Variants in BRIP1 observed in about 807,000 individuals in gnomAD.
The protein encoded by BRIP1 is BRCA1 interacting DNA helicase 1.
BRIP1 carries 88 observed loss-of-function variants against 119.7 expected under a neutral mutation model. The observed-to-expected ratio is 0.74, with a 90% CI of 0.62 to 0.88. BRIP1 has a LOEUF of 0.88. Ranked by LOEUF, BRIP1 falls within the 40% of genes least tolerant of loss-of-function variation. BRIP1 has a pLI of 0.00. For synonymous variants in BRIP1, 443 were observed against 496.5 expected (o/e 0.89, Z 1.43); for missense variants, 1,259 against 1,455.4 (o/e 0.87, Z 2.20).
At position 61,680,604 on chromosome 17, in the gene BRIP1, T is replaced by C. The variant is rs886053204; in HGVS notation, c.*2692A>G. Among the ~76,000 whole-genome samples, 10 of 149,276 alleles carry C rather than the reference T, an allele frequency of 6.7e-5. No individual in the cohort carries two copies. Among genetic ancestry groups the C allele is most frequent in the East Asian group, 2.1e-4 (1 of 4,844 alleles). The stretch of plus-strand genomic sequence containing the variant: ...ACGCCATTCTCCTGCCTCAGCCTCC[T>C]GAGTAGCTGGGACTACAGGCGCCCG... On this transcript the variant is annotated 3_prime_UTR_variant, in exon 20 of 20. Transcript: ENST00000259008.
chr17:61,689,881 G>A lies in BRIP1; in HGVS notation c.2575+3549C>T, dbSNP rs1345711689. ...TTAAAAATTAGCCAGGTCTGGTGGTGCATGCCTGTAGTCCCAGCTGAGGCT... is the reference window on the plus strand; with the variant it reads ...TTAAAAATTAGCCAGGTCTGGTGGTACATGCCTGTAGTCCCAGCTGAGGCT... On this transcript the variant is annotated intron_variant, in intron 18 of 19. Transcript: ENST00000259008. This position sits in a 1 kb window ranked among gnomAD's most constrained non-coding sequence, Gnocchi z 4.5. Among the ~76,000 whole-genome samples, 2 of 152,146 alleles carry A rather than the reference G, an allele frequency of 1.3e-5. No homozygotes were observed. The highest frequency in any genetic ancestry group is 6.5e-5 in the Admixed American group (1 of 15,276).
At chr17:61,721,611 C>T (rs2061977322) in intron 16 of BRIP1, among the ~76,000 whole-genome samples, 1 of 151,594 alleles carries the variant, frequency 6.6e-6, no homozygotes, top group African/African-American at 2.4e-5. Context: ...ATTTTACATT[C>T]CCTCAAAAGA....
chr17:61,840,813 G>A (rs1226513615), intron 6 of BRIP1, among the ~76,000 whole-genome samples: 1 of 151,966 alleles, frequency 6.6e-6, no homozygotes, highest in Non-Finnish European at 1.5e-5. Context: ...TAGGCACCAC[G>A]CTATGTACTA....
At position 61,791,114 on chromosome 17, in the gene BRIP1, T is replaced by A. The variant is rs184329977; in HGVS notation, c.1473+2483A>T. On this transcript the variant is annotated intron_variant, in intron 10 of 19. Transcript: ENST00000259008. ...AATAGTCACATGCCCCGAATACTAT[T>A]GTGATCATGTTGGCAATTATTTTCA... 6.6e-5 allele frequency among the ~76,000 whole-genome samples: 10 copies of A among 152,280 alleles called. 1 individual carries two copies. In the East Asian group the frequency reaches 1.9e-3, roughly 29 times the overall value.
Position 61,798,682 on chromosome 17 carries a change from TTA to T in BRIP1, c.1340+416_1340+417del, listed in dbSNP as rs372263059. 2.8e-4 allele frequency among the ~76,000 whole-genome samples: 43 copies of T among 152,106 alleles called. No homozygotes were observed. The highest frequency in any genetic ancestry group is 9.1e-4 in the African/African-American group (38 of 41,546). On this transcript the variant is annotated intron_variant, in intron 9 of 19. Coordinates refer to ENST00000259008, the MANE Select transcript of BRIP1 (RefSeq NM_032043.3). This position sits in a 1 kb window ranked among gnomAD's most constrained non-coding sequence, Gnocchi z 5.5. The stretch of plus-strand genomic sequence containing the variant: ...TAAAGCTAGTACTAAATATATTATT[TTA>T]GAGTACTGAAATCTTGATTAATTAA...
Position 61,825,730 on chromosome 17 carries a change from A to G in BRIP1, c.628-16973T>C, listed in dbSNP as rs1248480199. On this transcript the variant is annotated intron_variant, in intron 6 of 19. Transcript: ENST00000259008. The surrounding 1 kb of genome is among the most constrained non-coding windows in gnomAD (Gnocchi z 4.1). ...ATCTCTACAAAGGGAACTACAAAGC[A>G]CTGCTTGAAGAAATCAGAGATTTCT... Among the ~76,000 whole-genome samples the G allele has an allele frequency of 6.6e-6, 1 of 152,026 alleles. No homozygotes were observed. Among genetic ancestry groups the G allele is most frequent in the African/African-American group, 2.4e-5 (1 of 41,436 alleles).
chr17:61,706,720 T>C lies in BRIP1; in HGVS notation c.2492+9231A>G, dbSNP rs2061695121. ...CTTCCTGGGAATATTAACAACTGAG[T>C]CACATAGTGCACTATAATTAGATTT... On this transcript the variant is annotated intron_variant, in intron 17 of 19. Coordinates refer to ENST00000259008, the MANE Select transcript of BRIP1 (RefSeq NM_032043.3). This position sits in a 1 kb window ranked among gnomAD's most constrained non-coding sequence, Gnocchi z 5.7. 6.6e-6 allele frequency among the ~76,000 whole-genome samples: 1 copy of C among 152,170 alleles called. No homozygotes were observed. Among genetic ancestry groups the C allele is most frequent in the African/African-American group, 2.4e-5 (1 of 41,448 alleles).
In BRIP1 at chr17:61,804,431, T is replaced by TGC. The variant is rs2078042179; in HGVS notation, c.919-2958_919-2957insGC. Reference sequence around the variant, plus strand: ...ACATATGTGTGTGTGTGTGTGTGTGTGTGTGTGTGTGTGTGTATGTGTGTG... The same window carrying TGC: ...ACATATGTGTGTGTGTGTGTGTGTGTGCGTGTGTGTGTGTGTGTATGTGTGTG... On this transcript the variant is annotated intron_variant, in intron 7 of 19. Coordinates refer to ENST00000259008, the MANE Select transcript of BRIP1 (RefSeq NM_032043.3). The surrounding 1 kb of genome is among the most constrained non-coding windows in gnomAD (Gnocchi z 4.5). 8.4e-6 allele frequency among the ~76,000 whole-genome samples: 1 copy of TGC among 119,376 alleles called. No individual in the cohort carries two copies. Among genetic ancestry groups the TGC allele is most frequent in the African/African-American group, 3.7e-5 (1 of 27,132 alleles). 78.3% of individuals were successfully genotyped at this position (119,376 alleles called of 152,430 possible).
rs1177403313 is a variant in BRIP1 at position 61,730,193 on chromosome 17, ATGT to A, written c.2379+12817_2379+12819del. ...TCCTAGGGAAAAACAGGAAAGAGTG[ATGT>A]TGTAAACATGGAACAGCAATATCTA... is the stretch of plus-strand genomic sequence containing the variant. On this transcript the variant is annotated intron_variant, in intron 16 of 19. Transcript: ENST00000259008. The surrounding 1 kb of genome is among the most constrained non-coding windows in gnomAD (Gnocchi z 4.3). Among the ~76,000 whole-genome samples the A allele has an allele frequency of 3.9e-5, 6 of 152,118 alleles. No individual in the cohort carries two copies. Among genetic ancestry groups the A allele is most frequent in the Admixed American group, 3.9e-4 (6 of 15,274 alleles).
At position 61,860,886 on chromosome 17, in the gene BRIP1, AT is replaced by A. The variant is rs1232601103; in HGVS notation, c.93+560del. Among the ~76,000 whole-genome samples the A allele has an allele frequency of 1.3e-5, 2 of 152,216 alleles. No individual in the cohort carries two copies. Among genetic ancestry groups the A allele is most frequent in the Non-Finnish European group, 2.9e-5 (2 of 68,034 alleles). On this transcript the variant is annotated intron_variant, in intron 2 of 19. Transcript: ENST00000259008. This position sits in a 1 kb window ranked among gnomAD's most constrained non-coding sequence, Gnocchi z 4.1. ...TTCTGCATAAAAAGTAAGGTACCGTATCACATCAATGCACAGTTTCAAATAT... is the reference window on the plus strand; with the variant it reads ...TTCTGCATAAAAAGTAAGGTACCGTACACATCAATGCACAGTTTCAAATAT...
In BRIP1 at chr17:61,730,245, C is replaced by T. The variant is rs1316578447; in HGVS notation, c.2379+12768G>A. ...TACTACAGTTTATGTTATTTGAGAC[C>T]TTAAAGCTTTACAGTTAGAAAAAAA... On this transcript the variant is annotated intron_variant, in intron 16 of 19. Transcript: ENST00000259008. This position sits in a 1 kb window ranked among gnomAD's most constrained non-coding sequence, Gnocchi z 4.3. Among the ~76,000 whole-genome samples, 1 of 152,016 alleles carries T rather than the reference C, an allele frequency of 6.6e-6. No individual in the cohort carries two copies. Among genetic ancestry groups the T allele is most frequent in the Non-Finnish European group, 1.5e-5 (1 of 68,000 alleles).
rs2076756214 is a variant in BRIP1, at chr17:61,725,629, T to C, written c.2380-9566A>G. 1.3e-5 allele frequency among the ~76,000 whole-genome samples: 2 copies of C among 152,160 alleles called. 1 individual carries two copies. The highest frequency in any genetic ancestry group is 1.3e-4 in the Admixed American group (2 of 15,288). On this transcript the variant is annotated intron_variant, in intron 16 of 19. Coordinates refer to ENST00000259008, the MANE Select transcript of BRIP1 (RefSeq NM_032043.3). This position sits in a 1 kb window ranked among gnomAD's most constrained non-coding sequence, Gnocchi z 5.3. The stretch of plus-strand genomic sequence containing the variant: ...AAAGGGCTAAGTTAAAGTTTTCATT[T>C]TTATTTTTTAGAGACAAGGTCTTGC...
rs2077860164 is a variant in BRIP1 at position 61,793,851 on chromosome 17, T to C, written c.1341-122A>G. On this transcript the variant is annotated intron_variant, in intron 9 of 19. Transcript: ENST00000259008. This position sits in a 1 kb window ranked among gnomAD's most constrained non-coding sequence, Gnocchi z 5.2. ...TGTATATCTTGACATTCTTAGGACA[T>C]GAATGTGGATTAATTAAGACACCTT... The C allele has an allele frequency of 2.0e-6, 2 of 981,048 alleles. No homozygotes were observed. Among genetic ancestry groups the C allele is most frequent in the Non-Finnish European group, 2.8e-6 (2 of 704,776 alleles). The allele number at this position is 981,048 out of a possible 1,614,324, so 60.8% of individuals were successfully genotyped here. A position where few individuals can be genotyped will look rare whatever the true frequency, so the allele number is the denominator to read the frequency against.
At position 61,743,205 on chromosome 17, in the gene BRIP1, G is replaced by C. The variant is rs759883132; in HGVS notation, c.2258-71C>G. On this transcript the variant is annotated intron_variant, in intron 15 of 19. Coordinates refer to ENST00000259008, the MANE Select transcript of BRIP1 (RefSeq NM_032043.3). The surrounding 1 kb of genome is among the most constrained non-coding windows in gnomAD (Gnocchi z 4.3). ...TATTCTTGTCATTTTGAAAATACCT[G>C]ATTTATAATTATAGTAATTACAGTA... 1 of 1,520,616 alleles carries C rather than the reference G, an allele frequency of 6.6e-7. No individual in the cohort carries two copies. The highest frequency in any genetic ancestry group is 9.1e-7 in the Non-Finnish European group (1 of 1,099,880). The allele number at this position is 1,520,616 out of a possible 1,614,324, so 94.2% of individuals were successfully genotyped here. A position where few individuals can be genotyped will look rare whatever the true frequency, so the allele number is the denominator to read the frequency against.
Position 61,730,014 on chromosome 17 carries a change from G to C in BRIP1, c.2379+12999C>G, listed in dbSNP as rs1024524557. Among the ~76,000 whole-genome samples, 7 of 152,338 alleles carry C rather than the reference G, an allele frequency of 4.6e-5. No homozygotes were observed. Among genetic ancestry groups the C allele is most frequent in the African/African-American group, 1.4e-4 (6 of 41,580 alleles). ...CAAGTTTGAGAAACACAGCTTGAAA[G>C]TAATTTCAAGTCACAAATCTGGTAT... On this transcript the variant is annotated intron_variant, in intron 16 of 19. Coordinates refer to ENST00000259008, the MANE Select transcript of BRIP1 (RefSeq NM_032043.3). This position sits in a 1 kb window ranked among gnomAD's most constrained non-coding sequence, Gnocchi z 4.3.
chr17:61,846,963 G>A lies in BRIP1; in HGVS notation c.627+138C>T. The A allele has an allele frequency of 2.2e-6, 2 of 927,258 alleles. No homozygotes were observed. The highest frequency in any genetic ancestry group is 3.4e-6 in the Non-Finnish European group (2 of 595,672). The allele number at this position is 927,258 out of a possible 1,614,324, so 57.4% of individuals were successfully genotyped here. On this transcript the variant is annotated intron_variant, in intron 6 of 19. Transcript: ENST00000259008. The surrounding 1 kb of genome is among the most constrained non-coding windows in gnomAD (Gnocchi z 4.3). ...TGCCATCTCACACATTAGTAACAGA[G>A]ATGTGACAGCATTGAGGACTTCTGA...
rs746778889 is a variant in BRIP1 at position 61,799,172 on chromosome 17, T to G, written c.1268A>C (p.Asp423Ala). 1 of 1,613,730 alleles carries G rather than the reference T, an allele frequency of 6.2e-7. No individual in the cohort carries two copies. The highest frequency in any genetic ancestry group is 8.5e-7 in the Non-Finnish European group (1 of 1,179,712). Residue 423 changes from aspartate (D) to alanine (A), a missense_variant, in exon 9 of 20, where the codon GAT becomes GCT. By Grantham distance (126) the Asp-to-Ala change is moderately radical (BLOSUM62 -2). This residue lies in a region of BRIP1 where 501 missense variants were observed against 544.0 expected (regional missense o/e 0.92). Coordinates refer to ENST00000259008, the MANE Select transcript of BRIP1 (RefSeq NM_032043.3). This position sits in a 1 kb window ranked among gnomAD's most constrained non-coding sequence, Gnocchi z 5.1. ...CCTTATATTATTGTTGACCATACTA[T>G]CTAGTTCATCCCGAGCAAACCGAAG... ...VQLRFARDEL[D>A]SMVNNNIRKK...
intron 11 of BRIP1, 128 bp downstream of exon 11, chr17:61,784,142 T>C (rs1296442466): frequency 1.3e-6 from 1 of 795,150 alleles, no homozygotes; most frequent in South Asian, 1.8e-5. Context: ...AAATATATAA[T>C]AATATCTATA....
intron 17 of BRIP1, among the ~76,000 whole-genome samples, chr17:61,697,169 C>A (rs1047946282): frequency 7.3e-5 from 11 of 150,540 alleles, no homozygotes; most frequent in African/African-American, 2.4e-4. Flanking sequence ...CATAGTGAAA[C>A]CCCGTCTCTT....
Sources: gnomAD v4.1 joint callset for allele counts (sites outside exome capture counted in the v4.1 genomes callset) on GRCh38, gnomAD v4.1.1 for gene constraint, gnomAD v4.1.1 regional missense constraint, Gnocchi (gnomAD v3.1) non-coding constraint, MANE v1.5 for transcripts, NCBI Gene and HGNC (gene_info 2026-07-23, HGNC 2026-07-21) for gene names.